The following CROCC2 variants were observed in gnomAD, a reference collection of about 807,000 sequenced individuals.
CROCC2 encodes ciliary rootlet coiled-coil, rootletin family member 2.
Under a neutral mutation model 177.6 loss-of-function variants are expected in CROCC2, and 163 were observed. The observed-to-expected ratio is 0.92, with a 90% CI of 0.81 to 1.05. The LOEUF (loss-of-function observed/expected upper bound fraction) is 1.05. Ranked by LOEUF, CROCC2 falls within the 50% of genes least tolerant of loss-of-function variation. CROCC2 has a pLI of 0.00. For synonymous variants in CROCC2, 904 were observed against 787.3 expected (o/e 1.15, Z -2.48); for missense variants, 1,929 against 1,797.8 (o/e 1.07, Z -1.32).
chr2:240,990,981 C>G (rs1292823268), intron 30 of CROCC2, among the ~76,000 whole-genome samples: 1 of 152,216 alleles, frequency 6.6e-6, no homozygotes. Flanking sequence ...GTGGGGGATC[C>G]GTGGTGAGAG....
Position 240,949,664 on chromosome 2 carries a change from GC to G in CROCC2, c.2617del (p.His873ThrfsTer15), listed in dbSNP as rs1422111137. On this transcript the variant is annotated frameshift_variant, in exon 17 of 32. Coordinates refer to ENST00000690015, the MANE Select transcript of CROCC2 (RefSeq NM_001351305.2). LOFTEE classifies it high-confidence loss of function. This position sits in a 1 kb window ranked among gnomAD's most constrained non-coding sequence, Gnocchi z 4.5. Reference sequence around the variant, plus strand: ...GCGGGCCCTGGAGAGCCAGGCGTTGGCCCACCGAGAGGCCCTGGCACAGCTC... The same window carrying G: ...GCGGGCCCTGGAGAGCCAGGCGTTGGCCACCGAGAGGCCCTGGCACAGCTC... ...AQRALESQALAHREALAQLQR... is the reference protein window; with the variant it reads ...AQRALESQALXHREALAQLQR... The G allele has an allele frequency of 6.5e-7, 1 of 1,547,208 alleles. No homozygotes were observed. Among genetic ancestry groups the G allele is most frequent in the Non-Finnish European group, 8.7e-7 (1 of 1,145,896 alleles).
Position 240,958,639 on chromosome 2 carries a change from C to A in CROCC2, c.2944-662C>A. ...GTCCAGTCCCCTGAACCCAGGGGTG[C>A]AGAGCCTGAGCAGGGCAGGGCTCGG... On this transcript the variant is annotated intron_variant, in intron 19 of 31. Coordinates refer to ENST00000690015, the MANE Select transcript of CROCC2 (RefSeq NM_001351305.2). The surrounding 1 kb of genome is among the most constrained non-coding windows in gnomAD (Gnocchi z 6.7). 1 of 971,554 alleles carries A rather than the reference C, an allele frequency of 1.0e-6. No homozygotes were observed. Among genetic ancestry groups the A allele is most frequent in the Non-Finnish European group, 1.2e-6 (1 of 817,372 alleles). 60.2% of individuals were successfully genotyped at this position (971,554 alleles called of 1,614,324 possible).
At chr2:240,955,585 C>T (rs907227635) in intron 18 of CROCC2, 21 of 434,518 alleles carry the variant, frequency 4.8e-5, no homozygotes, top group Non-Finnish European at 7.9e-5. Flanking sequence ...GGGGAGGATA[C>T]CCCAGGGACG....
chr2:240,929,117 T>C (rs192274630), intron 5 of CROCC2, among the ~76,000 whole-genome samples: 6 of 152,204 alleles, frequency 3.9e-5, no homozygotes, highest in African/African-American at 1.4e-4. Context: ...CCAGGTGTTA[T>C]GGGCTCAGCT....
intron 5 of CROCC2, among the ~76,000 whole-genome samples, chr2:240,926,857 C>T (rs1405741661): frequency 5.9e-5 from 9 of 152,240 alleles, no homozygotes; most frequent in Admixed American, 5.9e-4. Flanking sequence ...AAGGAGTCAT[C>T]GCCTATGCCA....
At chr2:240,975,294 T>C (rs74001745) in intron 27 of CROCC2, among the ~76,000 whole-genome samples, 2,320 of 152,340 alleles carry the variant, frequency 0.015, 64 homozygotes, top group African/African-American at 0.052. Flanking sequence ...CACCAGACCC[T>C]GCCCTCTGTC....
chr2:240,990,676 G>A (rs1314202225), intron 30 of CROCC2, among the ~76,000 whole-genome samples: 13 of 152,180 alleles, frequency 8.5e-5, no homozygotes, highest in Non-Finnish European at 1.8e-4. Flanking sequence ...TCCACCTGCT[G>A]GGTTCAAGCG....
intron 8 of CROCC2, 53 bp from the exon 9 acceptor site, chr2:240,932,649 A>G: frequency 1.4e-6 from 1 of 718,632 alleles, no homozygotes; most frequent in Non-Finnish European, 2.6e-6. Flanking sequence ...TCCCCACCAA[A>G]TCATGGCCCT....
chr2:240,933,542 T>C (rs1260195869), intron 10 of CROCC2, 128 bp from the exon 11 acceptor site: 7 of 1,208,062 alleles, frequency 5.8e-6, no homozygotes, highest in South Asian at 3.1e-5. Context: ...CCCTGTCTGC[T>C]TCTCAGGCTC....
Position 240,920,057 on chromosome 2 carries a change from C to G in CROCC2, c.304C>G (p.Arg102Gly). 1 of 715,960 alleles carries G rather than the reference C, an allele frequency of 1.4e-6. No individual in the cohort carries two copies. The highest frequency in any genetic ancestry group is 1.5e-5 in the South Asian group (1 of 67,552). The allele number at this position is 715,960 out of a possible 1,614,324, so 44.4% of individuals were successfully genotyped here. Residue 102 changes from arginine (R) to glycine (G), a missense_variant, in exon 3 of 32, where the codon CGG becomes GGG. By Grantham distance (125) the Arg-to-Gly change is moderately radical. This residue lies in a region of CROCC2 where 1,397 missense variants were observed against 1,239.9 expected (regional missense o/e 1.13). Transcript: ENST00000690015. ...CGAGCTCCTGCAGGAGGAGCTGACC[C>G]GGCTGGGGGACCTGCTGGCCCAGGC... is the stretch of plus-strand genomic sequence containing the variant. ...ENELLQEELT[R>G]LGDLLAQASA...
chr2:240,983,954 TG>T (rs1340098526), intron 28 of CROCC2, among the ~76,000 whole-genome samples: 1 of 151,946 alleles, frequency 6.6e-6, no homozygotes, highest in Admixed American at 6.6e-5. Flanking sequence ...GAGCAACAGG[TG>T]GGCCAGCCTG....
At chr2:240,983,332 G>C in intron 28 of CROCC2, 1 of 1,269,388 alleles carries the variant, frequency 7.9e-7, no homozygotes, top group Non-Finnish European at 1.0e-6. Flanking sequence ...GAGAAAATAA[G>C]TTGAGGCCAG....
At chr2:240,978,105 A>T (rs1202361164) in intron 27 of CROCC2, among the ~76,000 whole-genome samples, 2 of 76,886 alleles carry the variant, frequency 2.6e-5, no homozygotes, top group Non-Finnish European at 5.0e-5. Context: ...TAGGAGCCTC[A>T]GGAGCCCAGG....
chr2:240,933,638 G>A, intron 10 of CROCC2, 32 bp from the exon 11 acceptor site: 1 of 1,547,032 alleles, frequency 6.5e-7, no homozygotes, highest in Non-Finnish European at 8.7e-7. Flanking sequence ...ATGTGTCCAG[G>A]GCCGCCCCAA....
chr2:240,935,558 G>A lies in CROCC2; in HGVS notation c.2139G>A (p.Glu713=). 2.2e-6 allele frequency: 3 copies of A among 1,350,396 alleles called. No homozygotes were observed. The highest frequency in any genetic ancestry group is 2.9e-6 in the Non-Finnish European group (3 of 1,051,004). The allele number at this position is 1,350,396 out of a possible 1,614,324, so 83.7% of individuals were successfully genotyped here. A position where few individuals can be genotyped will look rare whatever the true frequency, so the allele number is the denominator to read the frequency against. Residue 713 remains glutamate (E), a synonymous_variant, in exon 14 of 32, where the codon GAG becomes GAA. Coordinates refer to ENST00000690015, the MANE Select transcript of CROCC2 (RefSeq NM_001351305.2). ...LEGQAALLGR[E]KAQLQEQVGQ... is the part of the protein sequence containing the mutation. ...GGCAGGCAGCCCTGCTGGGGCGAGAGAAGGCCCAGCTCCAGGAGCAGGTGG... is the reference window on the plus strand; with the variant it reads ...GGCAGGCAGCCCTGCTGGGGCGAGAAAAGGCCCAGCTCCAGGAGCAGGTGG...
chr2:240,934,723 TCTGG>T (rs2106462573), intron 12 of CROCC2, among the ~76,000 whole-genome samples, 189 bp from the exon 13 acceptor site: 1 of 152,310 alleles, frequency 6.6e-6, no homozygotes, highest in African/African-American at 2.4e-5. Flanking sequence ...AGCCACCTCC[TCTGG>T]CTGGAGCCTT....
At position 240,967,475 on chromosome 2, in the gene CROCC2, C is replaced by G; in HGVS notation, c.4267+10C>G. 1 of 1,539,010 alleles carries G rather than the reference C, an allele frequency of 6.5e-7. No homozygotes were observed. The highest frequency in any genetic ancestry group is 8.8e-7 in the Non-Finnish European group (1 of 1,136,724). On this transcript the variant is annotated intron_variant, in intron 26 of 31. Coordinates refer to ENST00000690015, the MANE Select transcript of CROCC2 (RefSeq NM_001351305.2). ...GCTGAGGCGGAAGAAGGTGACCTCC[C>G]TTGCCCTGCCCCGCCCACCCTGGGA...
rs796747836 is a variant in CROCC2 at position 240,961,780 on chromosome 2, ATCACACACACGCAC to A, written c.3088-1768_3088-1755del. Among the ~76,000 whole-genome samples, 3 of 60,040 alleles carry A rather than the reference ATCACACACACGCAC, an allele frequency of 5.0e-5. 1 individual carries two copies. The highest frequency in any genetic ancestry group is 2.9e-4 in the African/African-American group (3 of 10,408). 39.4% of individuals were successfully genotyped at this position (60,040 alleles called of 152,430 possible). A position where few individuals can be genotyped will look rare whatever the true frequency, so the allele number is the denominator to read the frequency against. The stretch of plus-strand genomic sequence containing the variant: ...CACTGGCTCTCACACACACACACTC[ATCACACACACGCAC>A]TCACACATACACTCACATACACTCA... On this transcript the variant is annotated intron_variant, in intron 20 of 31. Coordinates refer to ENST00000690015, the MANE Select transcript of CROCC2 (RefSeq NM_001351305.2).
At chr2:240,965,551 A>G (rs1215366548) in intron 23 of CROCC2, 33 bp downstream of exon 23, 4 of 1,549,880 alleles carry the variant, frequency 2.6e-6, no homozygotes, top group South Asian at 1.2e-5. Context: ...GAAGGGAAGG[A>G]GCTGGGCGTC....
Sources: allele counts gnomAD v4.1 joint callset (sites outside exome capture counted in the v4.1 genomes callset), GRCh38; gene constraint gnomAD v4.1.1; regional missense constraint gnomAD v4.1.1; non-coding constraint Gnocchi (gnomAD v3.1); transcripts MANE v1.5; gene names NCBI Gene and HGNC (gene_info 2026-07-23, HGNC 2026-07-21).